MECOM: variants seen among roughly 807,000 people sequenced by gnomAD.
MECOM encodes the protein histone-lysine N-methyltransferase MECOM.
A neutral mutation model predicts 116.3 loss-of-function variants in MECOM; 13 were observed. The observed-to-expected ratio is 0.11, with a 90% CI of 0.07 to 0.18. MECOM has a LOEUF of 0.18. Ranked by LOEUF, MECOM falls within the 10% of genes least tolerant of loss-of-function variation. The pLI is 1.00. For synonymous variants in MECOM, 528 were observed against 535.2 expected, an observed-to-expected ratio of 0.99 and a Z score of 0.19; for missense variants, 1,299 against 1,509.0, an observed-to-expected ratio of 0.86 and a Z score of 2.31.
At chr3:169,213,681 C>A (rs74321159) in intron 2 of MECOM, among the ~76,000 whole-genome samples, 295 of 152,158 alleles carry the variant, frequency 1.9e-3, no homozygotes, top group African/African-American at 6.5e-3. Flanking sequence ...CAGAAAAAAT[C>A]GGCAAAGTTA....
intron 1 of MECOM, among the ~76,000 whole-genome samples, chr3:169,573,912 A>G (rs1764207462): frequency 6.6e-6 from 1 of 152,224 alleles, no homozygotes; most frequent in Admixed American, 6.5e-5. Context: ...TTAACTCAAG[A>G]AAAACTTTTT....
chr3:169,121,033 G>A (rs751387763), intron 7 of MECOM, 23 bp downstream of exon 7: 41 of 1,586,352 alleles, frequency 2.6e-5, no homozygotes, highest in Non-Finnish European at 3.5e-5. Flanking sequence ...GTGGGAAGGA[G>A]GGCTGGAGTG....
intron 1 of MECOM, among the ~76,000 whole-genome samples, chr3:169,631,983 C>G (rs534503513): frequency 4.6e-5 from 7 of 152,210 alleles, no homozygotes; most frequent in African/African-American, 1.7e-4. Flanking sequence ...TCAGGTAGAA[C>G]AGCAGCATTT....
chr3:169,606,140 G>A (rs1037711036), intron 1 of MECOM, among the ~76,000 whole-genome samples: 2 of 152,132 alleles, frequency 1.3e-5, no homozygotes, highest in Non-Finnish European at 1.5e-5. Flanking sequence ...GGCCAGGTGC[G>A]GTGGCTCACG....
At chr3:169,410,524 C>T (rs370408863) in intron 1 of MECOM, among the ~76,000 whole-genome samples, 5 of 152,230 alleles carry the variant, frequency 3.3e-5, no homozygotes, top group African/African-American at 1.2e-4. Context: ...CAACTTTTCC[C>T]CCTGGAGACT....
intron 1 of MECOM, among the ~76,000 whole-genome samples, chr3:169,391,577 T>C (rs957495043): frequency 2.6e-5 from 4 of 152,176 alleles, no homozygotes; most frequent in African/African-American, 9.7e-5. Context: ...TTTTTTGCTT[T>C]TTTTAAGTAT....
At chr3:169,217,701 T>C (rs565370219) in intron 2 of MECOM, among the ~76,000 whole-genome samples, 1 of 152,110 alleles carries the variant, frequency 6.6e-6, no homozygotes, top group Admixed American at 6.6e-5. Context: ...GCAGAATCAC[T>C]TGAACCCAGG....
rs1189483733 is a variant in MECOM at position 169,378,510 on chromosome 3, A to C, written c.375+2677T>G. On this transcript the variant is annotated intron_variant, in intron 2 of 16. Coordinates refer to ENST00000651503, the MANE Select transcript of MECOM (RefSeq NM_004991.4). ...GAGAGAAAGAAAGAAAGAAAGAAAG[A>C]AAGAAAAGAAAGAAAGAAAGAAAGA... Among the ~76,000 whole-genome samples, 218 of 30,730 alleles carry C rather than the reference A, an allele frequency of 7.1e-3. 29 individuals carry two copies. The highest frequency in any genetic ancestry group is 0.018 in the African/African-American group (89 of 4,872). 20.2% of individuals were successfully genotyped at this position (30,730 alleles called of 152,430 possible).
chr3:169,432,005 T>C (rs757638803), intron 1 of MECOM, among the ~76,000 whole-genome samples: 9 of 152,088 alleles, frequency 5.9e-5, no homozygotes, highest in Non-Finnish European at 1.3e-4. Context: ...TTCACCTTTT[T>C]TTTTTTCACA....
chr3:169,540,203 C>A (rs1165575080), intron 1 of MECOM, among the ~76,000 whole-genome samples: 1 of 152,162 alleles, frequency 6.6e-6, no homozygotes, highest in African/African-American at 2.4e-5. Context: ...ATGTCTTTCT[C>A]CAATTCCTCT....
In MECOM at chr3:169,089,164, T is replaced by G; in HGVS notation, c.3421A>C (p.Lys1141Gln). The part of the protein sequence containing the change: ...SPVRYKEEEY[K>Q]SGLSALDHIR... ...TGATCTAGAGCAGAAAGTCCACTTT[T>G]ATATTCTTCCTCTTTATACCTAAAA... is the stretch of plus-strand genomic sequence containing the variant. The change falls in exon 16 of 17, where the codon AAA (lysine) becomes CAA (glutamine). Residue 1141 changes from lysine (K) to glutamine (Q), a missense_variant. This residue lies in a region of MECOM where 273 missense variants were observed against 289.3 expected (regional missense o/e 0.94). Coordinates refer to ENST00000651503, the MANE Select transcript of MECOM (RefSeq NM_004991.4). 6.5e-7 allele frequency: 1 copy of G among 1,547,066 alleles called. No individual in the cohort carries two copies. Among genetic ancestry groups the G allele is most frequent in the South Asian group, 1.3e-5 (1 of 79,680 alleles).
At chr3:169,526,336 A>G (rs984448792) in intron 1 of MECOM, among the ~76,000 whole-genome samples, 2 of 152,212 alleles carry the variant, frequency 1.3e-5, no homozygotes, top group African/African-American at 4.8e-5. Context: ...TATAATATAC[A>G]AAATGACAGA....
intron 2 of MECOM, among the ~76,000 whole-genome samples, chr3:169,154,535 C>T (rs1423013753): frequency 1.3e-5 from 2 of 152,152 alleles, no homozygotes; most frequent in Non-Finnish European, 2.9e-5. Flanking sequence ...CTGCCAGATC[C>T]TCTGACCACC....
intron 2 of MECOM, among the ~76,000 whole-genome samples, chr3:169,177,302 T>C (rs971335501): frequency 6.6e-6 from 1 of 152,100 alleles, no homozygotes. Flanking sequence ...AGAAATGAGA[T>C]CATGTCCTTT....
chr3:169,481,981 C>T (rs1023477142), intron 1 of MECOM, among the ~76,000 whole-genome samples: 1 of 152,148 alleles, frequency 6.6e-6, no homozygotes, highest in African/African-American at 2.4e-5. Flanking sequence ...TAAAGTACAA[C>T]TCTTGAGATC....
intron 2 of MECOM, among the ~76,000 whole-genome samples, chr3:169,241,482 C>T (rs974658242): frequency 2.0e-5 from 3 of 152,074 alleles, no homozygotes; most frequent in Admixed American, 1.3e-4. Flanking sequence ...AAAGAGAATC[C>T]GAAACTATTC....
intron 2 of MECOM, among the ~76,000 whole-genome samples, chr3:169,329,575 A>G (rs1227277902): frequency 6.6e-6 from 1 of 152,200 alleles, no homozygotes; most frequent in Non-Finnish European, 1.5e-5. Flanking sequence ...GAATGAAGCC[A>G]TCTAACTCGC....
chr3:169,129,572 A>C (rs929347933), intron 4 of MECOM, among the ~76,000 whole-genome samples: 4 of 152,078 alleles, frequency 2.6e-5, no homozygotes, highest in African/African-American at 9.7e-5. Flanking sequence ...GTGTTCTAAA[A>C]AAATCAACTT....
At chr3:169,659,088 A>AAAAG in intron 1 of MECOM, among the ~76,000 whole-genome samples, 1 of 151,040 alleles carries the variant, frequency 6.6e-6, no homozygotes, top group Non-Finnish European at 1.5e-5. Context: ...AAAAAAAAAA[A>AAAAG]AAAGAAAGAG....
Sources: allele counts gnomAD v4.1 joint callset (sites outside exome capture counted in the v4.1 genomes callset), GRCh38; gene constraint gnomAD v4.1.1; regional missense constraint gnomAD v4.1.1; transcripts MANE v1.5; gene names NCBI Gene and HGNC (gene_info 2026-07-23, HGNC 2026-07-21).